The following AUH variants were observed in gnomAD, a reference collection of about 807,000 sequenced individuals.
AUH encodes methylglutaconyl-CoA hydratase, mitochondrial.
In AUH, 29 loss-of-function variants were observed where a neutral mutation model predicts 42.3. That is an observed-to-expected ratio of 0.69 (90% CI 0.51 to 0.93). The LOEUF is 0.93. AUH is among the 40% of genes least tolerant of loss of function. The pLI is 0.00. For synonymous variants in AUH, 174 were observed against 166.4 expected, an observed-to-expected ratio of 1.05 and a Z score of -0.35; for missense variants, 452 against 438.1, an observed-to-expected ratio of 1.03 and a Z score of -0.28.
intron 1 of AUH, among the ~76,000 whole-genome samples, chr9:91,358,448 T>A (rs958274302): frequency 2.6e-4 from 40 of 152,162 alleles, no homozygotes; most frequent in Admixed American, 2.5e-3. Flanking sequence ...ACCTCTGTGA[T>A]CCTCAGTTTC....
intron 3 of AUH, among the ~76,000 whole-genome samples, chr9:91,326,930 G>C (rs12377623): frequency 6.6e-6 from 1 of 152,116 alleles, no homozygotes; most frequent in Non-Finnish European, 1.5e-5. Flanking sequence ...GTATTTCTCA[G>C]TTCCATTACT....
chr9:91,218,618 T>G (rs766622525), intron 7 of AUH: 1 of 985,122 alleles, frequency 1.0e-6, no homozygotes, highest in South Asian at 4.7e-5. Context: ...TAGAAAGCCA[T>G]GAGAAAAACA....
intron 6 of AUH, among the ~76,000 whole-genome samples, chr9:91,272,843 C>T (rs550799822): frequency 1.3e-5 from 2 of 152,066 alleles, no homozygotes; most frequent in South Asian, 4.2e-4. Flanking sequence ...CCAAAAAAAA[C>T]TTCACTGTAA....
chr9:91,326,354 T>C (rs7020676), intron 3 of AUH, among the ~76,000 whole-genome samples: 25,956 of 152,018 alleles, frequency 0.17, 2,461 homozygotes, highest in African/African-American at 0.26. Flanking sequence ...ATGTATACCC[T>C]AGAAAATCTC....
Position 91,216,080 on chromosome 9 carries a change from T to G in AUH, c.921A>C (p.Ile307=). The G allele has an allele frequency of 6.2e-7, 1 of 1,613,206 alleles. No individual in the cohort carries two copies. Among genetic ancestry groups the G allele is most frequent in the Non-Finnish European group, 8.5e-7 (1 of 1,179,404 alleles). ...MEVDLVTGLA[I]EEACYAQTIP... ...ATACCTGAGCATAACAAGCTTCTTC[T>G]ATGGCTAACCCTGTTACTAAATCGA... is the stretch of plus-strand genomic sequence containing the variant. Residue 307 remains isoleucine (I), a synonymous_variant, in exon 9 of 10, where the codon ATA becomes ATC. Transcript: ENST00000375731.
intron 3 of AUH, among the ~76,000 whole-genome samples, chr9:91,334,351 T>C (rs2131925814): frequency 7.1e-6 from 1 of 141,732 alleles, no homozygotes; most frequent in East Asian, 2.2e-4. Context: ...GCCCTTCCCA[T>C]GTGGGTAGCC....
At chr9:91,348,494 A>C (rs1227711342) in intron 3 of AUH, among the ~76,000 whole-genome samples, 1 of 152,228 alleles carries the variant, frequency 6.6e-6, no homozygotes, top group Non-Finnish European at 1.5e-5. Flanking sequence ...AAAAACCCAA[A>C]TGACCATCAC....
At chr9:91,218,662 GATTTA>G in intron 7 of AUH, 2 of 985,338 alleles carry the variant, frequency 2.0e-6, no homozygotes, top group Non-Finnish European at 2.4e-6. Flanking sequence ...AATAGTGCTT[GATTTA>G]ATTTGTTTCC....
At chr9:91,320,980 T>C (rs1265046827) in intron 4 of AUH, among the ~76,000 whole-genome samples, 1 of 152,260 alleles carries the variant, frequency 6.6e-6, no homozygotes, top group African/African-American at 2.4e-5. Context: ...TATCATTTTA[T>C]GTGTGTATCT....
chr9:91,228,275 G>A lies in AUH; in HGVS notation c.656-7283C>T, dbSNP rs552613002. Among the ~76,000 whole-genome samples, 62 of 152,310 alleles carry A rather than the reference G, an allele frequency of 4.1e-4. 1 individual carries two copies. The highest frequency in any genetic ancestry group is 1.4e-3 in the African/African-American group (59 of 41,550). On this transcript the variant is annotated intron_variant, in intron 6 of 9. Transcript: ENST00000375731. ...AGAGATTCAACTTCTTCGTGGTTTA[G>A]TCTTGGAAGAGTGTATGTGTCAAGG...
Position 91,333,250 on chromosome 9 carries a change from T to C in AUH, c.419-7846A>G, listed in dbSNP as rs940745777. On this transcript the variant is annotated intron_variant, in intron 3 of 9. Coordinates refer to ENST00000375731, the MANE Select transcript of AUH (RefSeq NM_001698.3). ...AAAAATGTTACATTATCTCCTTTCT[T>C]CATTAACTGGTATTTTTGCTCTGCT... Among the ~76,000 whole-genome samples, 5 of 152,360 alleles carry C rather than the reference T, an allele frequency of 3.3e-5. 1 individual carries two copies. The highest frequency in any genetic ancestry group is 3.3e-4 in the Admixed American group (5 of 15,304).
At position 91,325,368 on chromosome 9, in the gene AUH, C is replaced by T; in HGVS notation, c.455G>A (p.Ser152Asn). Residue 152 changes from serine (S) to asparagine (N), a missense_variant, in exon 4 of 10, where the codon AGT (serine) becomes AAT (asparagine). Physicochemically the swap from Ser to Asn is conservative, Grantham distance 46 (BLOSUM62 1). Coordinates refer to ENST00000375731, the MANE Select transcript of AUH (RefSeq NM_001698.3). ...DLKERAKMSS[S>N]EVGPFVSKIR... ...TTTGGAGACAAAAGGACCAACTTCA[C>T]TGGAACTCATTTTGGCTCTTTCCTT... is the stretch of plus-strand genomic sequence containing the variant. 1 of 1,613,908 alleles carries T rather than the reference C, an allele frequency of 6.2e-7. No homozygotes were observed. Among genetic ancestry groups the T allele is most frequent in the Non-Finnish European group, 8.5e-7 (1 of 1,179,872 alleles).
chr9:91,280,855 GTTCT>G (rs2131562866), intron 6 of AUH, among the ~76,000 whole-genome samples: 1 of 152,240 alleles, frequency 6.6e-6, no homozygotes, highest in African/African-American at 2.4e-5. Context: ...TTACATCAAG[GTTCT>G]TTTTTATTAT....
At chr9:91,311,472 T>C (rs2131759384) in intron 4 of AUH, among the ~76,000 whole-genome samples, 1 of 152,370 alleles carries the variant, frequency 6.6e-6, no homozygotes, top group South Asian at 2.1e-4. Context: ...CTAAATTCTG[T>C]AATCTAAAAT....
At chr9:91,299,897 C>T (rs1827651618) in intron 4 of AUH, among the ~76,000 whole-genome samples, 1 of 152,096 alleles carries the variant, frequency 6.6e-6, no homozygotes, top group South Asian at 2.1e-4. Flanking sequence ...TTCCTTAGGC[C>T]TTGCTAAGGC....
chr9:91,218,849 A>G (rs1453760128), intron 7 of AUH: 37 of 985,312 alleles, frequency 3.8e-5, no homozygotes, highest in Non-Finnish European at 4.5e-5. Flanking sequence ...AATAAAGGTG[A>G]TTCCACTCAA....
intron 4 of AUH, among the ~76,000 whole-genome samples, chr9:91,302,653 C>T (rs1449526798): frequency 2.0e-5 from 3 of 151,936 alleles, no homozygotes; most frequent in Admixed American, 1.3e-4. Context: ...GCCTGTAATC[C>T]CAGCTACTGG....
chr9:91,216,224 C>G, intron 8 of AUH, 118 bp from the exon 9 acceptor site: 1 of 1,009,736 alleles, frequency 9.9e-7, no homozygotes, highest in South Asian at 1.3e-5. Flanking sequence ...TGATATAGTA[C>G]AGCAGATCAG....
intron 6 of AUH, among the ~76,000 whole-genome samples, chr9:91,223,519 C>T (rs1326697211): frequency 1.3e-5 from 2 of 152,168 alleles, no homozygotes; most frequent in Admixed American, 6.5e-5. Flanking sequence ...GTGAATAATG[C>T]TGCTATGAAC....
Sources: allele counts gnomAD v4.1 joint callset (sites outside exome capture counted in the v4.1 genomes callset), GRCh38; gene constraint gnomAD v4.1.1; transcripts MANE v1.5; gene names NCBI Gene and HGNC (gene_info 2026-07-23, HGNC 2026-07-21).